PALLD: variants seen among roughly 807,000 people sequenced by gnomAD.
PALLD encodes palladin, cytoskeletal associated protein, also known as palladin.
A neutral mutation model predicts 123.5 loss-of-function variants in PALLD; 61 were observed. The ratio of observed to expected loss-of-function variants is 0.49; its 90% CI spans 0.40 to 0.61. The LOEUF (loss-of-function observed/expected upper bound fraction) is 0.61. Among genes scored for constraint, PALLD ranks in the 20% least tolerant of loss-of-function variants. PALLD has a pLI of 0.00. For missense variants in PALLD, 1,273 were observed against 1,377.0 expected (o/e 0.92, Z 1.20); for synonymous variants, 465 against 496.4 (o/e 0.94, Z 0.84).
intron 10 of PALLD, among the ~76,000 whole-genome samples, chr4:168,866,875 A>G (rs1482807763): frequency 6.6e-6 from 1 of 152,202 alleles, no homozygotes; most frequent in Non-Finnish European, 1.5e-5. Context: ...CAATATCTGT[A>G]TCTCAATAAC....
chr4:168,602,909 C>G (rs1772814721), intron 2 of PALLD, among the ~76,000 whole-genome samples: 1 of 148,926 alleles, frequency 6.7e-6, no homozygotes, highest in African/African-American at 2.5e-5. Context: ...GGGACTGCAG[C>G]AGGCACCACC....
At chr4:168,802,793 C>T (rs566398788) in intron 10 of PALLD, among the ~76,000 whole-genome samples, 12 of 152,168 alleles carry the variant, frequency 7.9e-5, no homozygotes, top group South Asian at 2.1e-4. Flanking sequence ...TGGGTTCAAG[C>T]GATTCTCCTG....
intron 6 of PALLD, chr4:168,686,506 T>A (rs1782067107): frequency 6.6e-6 from 1 of 152,262 alleles, no homozygotes; most frequent in African/African-American, 2.4e-5. Flanking sequence ...GTTAGTTTGC[T>A]GAGAATGATG....
intron 2 of PALLD, among the ~76,000 whole-genome samples, chr4:168,666,381 G>C (rs1779656042): frequency 6.6e-6 from 1 of 152,128 alleles, no homozygotes; most frequent in African/African-American, 2.4e-5. Context: ...ACCTGTAGTA[G>C]GTAATGCAGT....
chr4:168,842,569 G>A (rs973354760), intron 10 of PALLD, among the ~76,000 whole-genome samples: 1 of 152,162 alleles, frequency 6.6e-6, no homozygotes, highest in Non-Finnish European at 1.5e-5. Context: ...TCTTCTGATG[G>A]GCTGGTAGCT....
At chr4:168,653,995 T>A (rs989779055) in intron 2 of PALLD, among the ~76,000 whole-genome samples, 52 of 151,794 alleles carry the variant, frequency 3.4e-4, no homozygotes, top group African/African-American at 1.3e-3. Context: ...ATCAGTTATT[T>A]TTTTTTTAAG....
At chr4:168,638,755 G>A (rs935138309) in intron 2 of PALLD, among the ~76,000 whole-genome samples, 6 of 151,592 alleles carry the variant, frequency 4.0e-5, no homozygotes, top group African/African-American at 1.5e-4. Flanking sequence ...CCCTATTCAT[G>A]AGGCTCTACC....
intron 1 of PALLD, among the ~76,000 whole-genome samples, chr4:168,507,922 C>G (rs763792325): frequency 1.3e-5 from 2 of 152,092 alleles, no homozygotes; most frequent in African/African-American, 2.4e-5. Flanking sequence ...GGATCCAAGT[C>G]TTAAAATACA....
chr4:168,624,721 G>A (rs1240569209), intron 2 of PALLD, among the ~76,000 whole-genome samples: 1 of 152,126 alleles, frequency 6.6e-6, no homozygotes, highest in Non-Finnish European at 1.5e-5. Flanking sequence ...TAAACAATAT[G>A]AGTAAGATAG....
intron 10 of PALLD, among the ~76,000 whole-genome samples, chr4:168,867,572 C>T (rs1158823583): frequency 6.6e-6 from 1 of 152,168 alleles, no homozygotes; most frequent in East Asian, 1.9e-4. Flanking sequence ...CCCCCTCCAC[C>T]TCATTCTAGT....
intron 2 of PALLD, chr4:168,648,008 A>G (rs1430537816): frequency 1.3e-5 from 2 of 151,984 alleles, no homozygotes; most frequent in Non-Finnish European, 2.9e-5. Context: ...CTTTTTCCGC[A>G]TCCTTCTTTC....
intron 14 of PALLD, among the ~76,000 whole-genome samples, chr4:168,903,204 CAGT>C (rs1654472876): frequency 3.9e-5 from 6 of 152,140 alleles, no homozygotes; most frequent in Admixed American, 3.9e-4. Context: ...AGAAATAAAG[CAGT>C]AGTATTCCAC....
chr4:168,790,278 C>T (rs1224662229), intron 10 of PALLD, among the ~76,000 whole-genome samples: 1 of 151,842 alleles, frequency 6.6e-6, no homozygotes, highest in Non-Finnish European at 1.5e-5. Context: ...TCTCCTGCCT[C>T]AGCCTCCCCA....
chr4:168,861,525 A>T (rs548895183), intron 10 of PALLD, among the ~76,000 whole-genome samples: 4 of 151,834 alleles, frequency 2.6e-5, no homozygotes, highest in African/African-American at 9.7e-5. Flanking sequence ...CAGTTCATCA[A>T]TTTTTTTTCT....
chr4:168,778,099 G>A (rs1735420466), intron 10 of PALLD, among the ~76,000 whole-genome samples: 1 of 152,210 alleles, frequency 6.6e-6, no homozygotes, highest in Non-Finnish European at 1.5e-5. Context: ...GAAAAAAGGG[G>A]TAGGAGAACC....
At chr4:168,864,338 A>G (rs1749950590) in intron 10 of PALLD, 1 of 152,176 alleles carries the variant, frequency 6.6e-6, no homozygotes, top group African/African-American at 2.4e-5. Context: ...CAGTTATTTA[A>G]AAGATTAAGC....
intron 10 of PALLD, among the ~76,000 whole-genome samples, chr4:168,781,779 C>T (rs866613360): frequency 9.9e-5 from 15 of 151,990 alleles, no homozygotes; most frequent in African/African-American, 3.4e-4. Flanking sequence ...CACAGAAGCC[C>T]GGAACAAGAC....
chr4:168,795,834 C>T (rs1738416901), intron 10 of PALLD, among the ~76,000 whole-genome samples: 1 of 151,968 alleles, frequency 6.6e-6, no homozygotes, highest in Admixed American at 6.6e-5. Context: ...TCAAACTCCC[C>T]CGTAGCTGTG....
intron 8 of PALLD, among the ~76,000 whole-genome samples, chr4:168,694,973 A>T (rs1783001745): frequency 6.6e-6 from 1 of 152,224 alleles, no homozygotes; most frequent in Non-Finnish European, 1.5e-5. Flanking sequence ...ACAGCTGTTA[A>T]TACTCAGTCT....
Sources: allele counts gnomAD v4.1 joint callset (sites outside exome capture counted in the v4.1 genomes callset), GRCh38; gene constraint gnomAD v4.1.1; transcripts MANE v1.5; gene names NCBI Gene and HGNC (gene_info 2026-07-23, HGNC 2026-07-21).